Variants in MRPL30 observed in about 807,000 individuals in gnomAD.
MRPL30 encodes large ribosomal subunit protein uL30m.
Under a neutral mutation model 17.2 loss-of-function variants are expected in MRPL30, and 10 were observed. The ratio of observed to expected loss-of-function variants is 0.58; its 90% CI spans 0.36 to 0.99. MRPL30 has a LOEUF of 0.99. Ranked by LOEUF, MRPL30 falls within the 50% of genes least tolerant of loss-of-function variation. MRPL30 has a pLI of 0.01. For missense variants in MRPL30, 170 were observed against 189.8 expected (o/e 0.90, Z 0.61); for synonymous variants, 61 against 62.1 (o/e 0.98, Z 0.08).
At position 99,199,464 on chromosome 2, in the gene MRPL30, C is replaced by A. The variant is rs575495668; in HGVS notation, c.*3759C>A. On this transcript the variant is annotated 3_prime_UTR_variant, in exon 6 of 6. Transcript: ENST00000338148. ...CAATCAATGAACAAACTGAAAATGT[C>A]TTTGGATATTATTTCTGTTTATTTT... 2.1e-4 allele frequency among the ~76,000 whole-genome samples: 32 copies of A among 152,168 alleles called. No individual in the cohort carries two copies. Among genetic ancestry groups the A allele is most frequent in the African/African-American group, 7.5e-4 (31 of 41,508 alleles).
Position 99,199,340 on chromosome 2 carries a change from T to G in MRPL30, c.*3635T>G, listed in dbSNP as rs1042705148. Reference sequence around the variant, plus strand: ...ACTTTTCTCTCAAGACCTGAGGGAATTAATTAATAAGGAATCCTTGGAACA... The same window carrying G: ...ACTTTTCTCTCAAGACCTGAGGGAAGTAATTAATAAGGAATCCTTGGAACA... On this transcript the variant is annotated 3_prime_UTR_variant, in exon 6 of 6. Transcript: ENST00000338148. 5.3e-5 allele frequency among the ~76,000 whole-genome samples: 8 copies of G among 152,158 alleles called. No individual in the cohort carries two copies. The highest frequency in any genetic ancestry group is 1.0e-4 in the Non-Finnish European group (7 of 68,030).
In MRPL30 at chr2:99,186,262, T is replaced by A. The variant is rs1345804607; in HGVS notation, c.51+8T>A. 7 of 1,613,462 alleles carry A rather than the reference T, an allele frequency of 4.3e-6. No individual in the cohort carries two copies. The highest frequency in any genetic ancestry group is 5.9e-6 in the Non-Finnish European group (7 of 1,179,544). ...CCCCCAGGCAGACTACAGGTAAGTG[T>A]TTCTTTTCAAGAATTTGTCTTTTCT... On this transcript the variant is annotated splice_region_variant and intron_variant, in intron 2 of 5. Transcript: ENST00000338148.
intron 1 of MRPL30, among the ~76,000 whole-genome samples, chr2:99,183,646 CTT>C (rs1479992946): frequency 6.6e-6 from 1 of 151,366 alleles, no homozygotes; most frequent in Non-Finnish European, 1.5e-5. Flanking sequence ...CATAAATAAA[CTT>C]TATTTTTGAA....
chr2:99,189,741 G>T (rs1424957828), intron 3 of MRPL30, among the ~76,000 whole-genome samples: 1 of 152,054 alleles, frequency 6.6e-6, no homozygotes, highest in Non-Finnish European at 1.5e-5. Context: ...TGGGTGGGGG[G>T]TTCCTAATAT....
At position 99,188,269 on chromosome 2, in the gene MRPL30, G is replaced by A; in HGVS notation, c.132+12G>A. On this transcript the variant is annotated intron_variant, in intron 3 of 5. Transcript: ENST00000338148. Reference sequence around the variant, plus strand: ...GAATTCCAGAAAAAGTAAGAACAAAGTTTGATTTTTTTAATGTTAGTGTTG... The same window carrying A: ...GAATTCCAGAAAAAGTAAGAACAAAATTTGATTTTTTTAATGTTAGTGTTG... 6.3e-7 allele frequency: 1 copy of A among 1,586,358 alleles called. No individual in the cohort carries two copies. Among genetic ancestry groups the A allele is most frequent in the South Asian group, 1.2e-5 (1 of 86,296 alleles).
intron 2 of MRPL30, among the ~76,000 whole-genome samples, chr2:99,186,525 G>A (rs2093934365): frequency 6.6e-6 from 1 of 151,908 alleles, no homozygotes; most frequent in African/African-American, 2.4e-5. Flanking sequence ...TATAGTCGGG[G>A]GTTTCACCAT....
intron 4 of MRPL30, 52 bp downstream of exon 4, chr2:99,194,949 T>TA (rs2093952778): frequency 6.8e-7 from 1 of 1,474,694 alleles, no homozygotes; most frequent in Admixed American, 2.5e-5. Context: ...CTTTAAATTT[T>TA]ATACTTTTAA....
At position 99,196,692 on chromosome 2, in the gene MRPL30, A is replaced by C. The variant is rs765179208; in HGVS notation, c.*987A>C. On this transcript the variant is annotated 3_prime_UTR_variant, in exon 6 of 6. Coordinates refer to ENST00000338148, the MANE Select transcript of MRPL30 (RefSeq NM_145212.4). The stretch of plus-strand genomic sequence containing the variant: ...TGTGCAAGGTGTTGGAGAAATCCAA[A>C]GCTGACCAAAACATGGTCCCCACCT... The C allele has an allele frequency of 1.3e-5, 2 of 152,206 alleles. No homozygotes were observed. Among genetic ancestry groups the C allele is most frequent in the Non-Finnish European group, 2.9e-5 (2 of 68,044 alleles). The allele number at this position is 152,206 out of a possible 1,614,324, so 9.4% of individuals were successfully genotyped here.
chr2:99,184,886 A>G (rs1455846141), intron 1 of MRPL30, among the ~76,000 whole-genome samples: 2 of 152,234 alleles, frequency 1.3e-5, no homozygotes, highest in African/African-American at 4.8e-5. Context: ...CAGAACTTGA[A>G]TGAGCTAGAA....
intron 3 of MRPL30, among the ~76,000 whole-genome samples, chr2:99,188,540 G>C (rs924922554): frequency 5.9e-5 from 9 of 152,252 alleles, no homozygotes; most frequent in South Asian, 2.1e-4. Context: ...CCATTGTCCT[G>C]AGAAAGCAGT....
In MRPL30 at chr2:99,197,789, T is replaced by G. The variant is rs550266507; in HGVS notation, c.*2084T>G. Among the ~76,000 whole-genome samples the G allele has an allele frequency of 1.3e-5, 2 of 151,642 alleles. No homozygotes were observed. Among genetic ancestry groups the G allele is most frequent in the East Asian group, 3.9e-4 (2 of 5,098 alleles). On this transcript the variant is annotated 3_prime_UTR_variant, in exon 6 of 6. Transcript: ENST00000338148. ...CTGAGCAGCTAGGACTACAGATACA[T>G]GCCACCGCTCCCGGCTAGTATTTTT...
Position 99,194,889 on chromosome 2 carries a change from T to A in MRPL30, c.271T>A (p.Leu91Ile). 1 of 1,564,474 alleles carries A rather than the reference T, an allele frequency of 6.4e-7. No homozygotes were observed. The highest frequency in any genetic ancestry group is 1.2e-5 in the South Asian group (1 of 82,994). Residue 91 changes from leucine to isoleucine, a missense_variant, in exon 4 of 6, where the codon TTA (leucine) becomes ATA (isoleucine). Coordinates refer to ENST00000338148, the MANE Select transcript of MRPL30 (RefSeq NM_145212.4). Reference sequence around the variant, plus strand: ...AAAAGATATAATAAAGATGCTTGGATTAGAAAAAGTATGCAATTATTTTAA... The same window carrying A: ...AAAAGATATAATAAAGATGCTTGGAATAGAAAAAGTATGCAATTATTTTAA... ...WEKDIIKMLG[L>I]EKAHTPQVHK...
chr2:99,185,587 C>A (rs540023372), intron 1 of MRPL30, among the ~76,000 whole-genome samples: 1 of 152,158 alleles, frequency 6.6e-6, no homozygotes, highest in East Asian at 1.9e-4. Flanking sequence ...AGAAGCAATG[C>A]GTGTGCATTG....
intron 3 of MRPL30, among the ~76,000 whole-genome samples, 179 bp downstream of exon 3, chr2:99,188,436 C>G (rs1378268558): frequency 6.6e-6 from 1 of 152,050 alleles, no homozygotes; most frequent in Admixed American, 6.6e-5. Flanking sequence ...TAAAACTGTT[C>G]TGTCACTTGT....
intron 2 of MRPL30, among the ~76,000 whole-genome samples, chr2:99,187,634 G>T (rs866551302): frequency 2.3e-4 from 35 of 152,108 alleles, no homozygotes; most frequent in African/African-American, 8.0e-4. Context: ...GACCATCCTG[G>T]CTAACACGGT....
chr2:99,185,244 C>G (rs557043687), intron 1 of MRPL30, among the ~76,000 whole-genome samples: 7 of 152,140 alleles, frequency 4.6e-5, no homozygotes, highest in Non-Finnish European at 8.8e-5. Context: ...AATTGTCTTC[C>G]ATGAAACTGG....
Position 99,186,185 on chromosome 2 carries a change from G to C in MRPL30, c.-19G>C, listed in dbSNP as rs1169377433. 1.2e-6 allele frequency: 2 copies of C among 1,613,152 alleles called. No homozygotes were observed. Among genetic ancestry groups the C allele is most frequent in the Admixed American group, 3.3e-5 (2 of 59,992 alleles). On this transcript the variant is annotated 5_prime_UTR_variant, in exon 2 of 6. Coordinates refer to ENST00000338148, the MANE Select transcript of MRPL30 (RefSeq NM_145212.4). ...CTTCCTACTTCCCACAGCCTCTAAA[G>C]AGAGCAATCACTACACTTATGGCTG... is the stretch of plus-strand genomic sequence containing the variant.
intron 2 of MRPL30, among the ~76,000 whole-genome samples, chr2:99,187,479 T>C (rs771991956): frequency 2.0e-4 from 30 of 152,234 alleles, no homozygotes; most frequent in African/African-American, 6.8e-4. Context: ...CTATGGCCTT[T>C]AGGCCAAATT....
chr2:99,191,009 C>CTTT (rs751744932), intron 3 of MRPL30, among the ~76,000 whole-genome samples: 1 of 143,942 alleles, frequency 6.9e-6, no homozygotes, highest in Non-Finnish European at 1.5e-5. Context: ...CCCTGACTAT[C>CTTT]TTTTTTTTTT....
Sources: gnomAD v4.1 joint callset for allele counts (sites outside exome capture counted in the v4.1 genomes callset) on GRCh38, gnomAD v4.1.1 for gene constraint, MANE v1.5 for transcripts, NCBI Gene and HGNC (gene_info 2026-07-23, HGNC 2026-07-21) for gene names.